Variants in NR4A3 observed in about 807,000 individuals in gnomAD.
The protein encoded by NR4A3 is nuclear receptor subfamily 4 group A member 3, also known as chondrosarcoma, extraskeletal myxoid, fused to EWS.
In NR4A3, 13 loss-of-function variants were observed where a neutral mutation model predicts 55.6. The ratio of observed to expected loss-of-function variants is 0.23; its 90% CI spans 0.15 to 0.37. The LOEUF is 0.37. Among genes scored for constraint, NR4A3 ranks in the 10% least tolerant of loss-of-function variants. The probability of loss-of-function intolerance (pLI) is 1.00; values close to 1 mark genes in which losing one functional copy is unlikely to be tolerated. For missense variants in NR4A3, 646 were observed against 822.8 expected (o/e 0.79, Z 2.63); for synonymous variants, 342 against 357.9 (o/e 0.96, Z 0.50).
intron 1 of NR4A3, among the ~76,000 whole-genome samples, chr9:99,824,683 G>A (rs1004609982): frequency 6.6e-6 from 1 of 152,214 alleles, no homozygotes; most frequent in African/African-American, 2.4e-5. Context: ...TTGATTTGGG[G>A]TTTTTCGGTC....
intron 7 of NR4A3, among the ~76,000 whole-genome samples, chr9:99,848,480 G>T (rs1827794376): frequency 6.6e-6 from 1 of 152,116 alleles, no homozygotes. Flanking sequence ...GAGTAGCTGG[G>T]ATTACAGGTA....
intron 7 of NR4A3, among the ~76,000 whole-genome samples, chr9:99,860,179 A>G (rs995386491): frequency 6.6e-6 from 1 of 151,420 alleles, no homozygotes; most frequent in African/African-American, 2.4e-5. Flanking sequence ...CAGCTTTAGT[A>G]TTTAATATTC....
At position 99,828,935 on chromosome 9, in the gene NR4A3, A is replaced by G; in HGVS notation, c.893A>G (p.Asn298Ser). The change falls in exon 3 of 8, where the codon AAC (asparagine) becomes AGC (serine). Residue 298 changes from asparagine to serine, a missense_variant. Transcript: ENST00000395097. The surrounding 1 kb of genome is among the most constrained non-coding windows in gnomAD (Gnocchi z 7.7). ...GGCACGTGTGCCGTGTGCGGGGACAACGCCGCCTGCCAGCACTACGGCGTG... is the reference window on the plus strand; with the variant it reads ...GGCACGTGTGCCGTGTGCGGGGACAGCGCCGCCTGCCAGCACTACGGCGTG... ...GEGTCAVCGD[N>S]AACQHYGVRT... 1 of 1,441,740 alleles carries G rather than the reference A, an allele frequency of 6.9e-7. No individual in the cohort carries two copies. The highest frequency in any genetic ancestry group is 1.4e-5 in the South Asian group (1 of 71,300). 89.3% of individuals were successfully genotyped at this position (1,441,740 alleles called of 1,614,324 possible). A position where few individuals can be genotyped will look rare whatever the true frequency, so the allele number is the denominator to read the frequency against.
chr9:99,841,355 T>C (rs1285014696), intron 5 of NR4A3, among the ~76,000 whole-genome samples: 1 of 152,104 alleles, frequency 6.6e-6, no homozygotes, highest in Non-Finnish European at 1.5e-5. Context: ...CAGGACTTCA[T>C]AGAATCCCAG....
intron 6 of NR4A3, among the ~76,000 whole-genome samples, chr9:99,845,379 A>G (rs1249461449): frequency 1.3e-5 from 2 of 152,176 alleles, no homozygotes; most frequent in African/African-American, 2.4e-5. Flanking sequence ...AGTCCATCCT[A>G]TCATACTCAG....
At chr9:99,846,827 T>A (rs529088002) in intron 6 of NR4A3, among the ~76,000 whole-genome samples, 1 of 152,320 alleles carries the variant, frequency 6.6e-6, no homozygotes, top group Admixed American at 6.5e-5. Flanking sequence ...TTTGTATTTT[T>A]AGTAGAGATT....
chr9:99,852,729 T>C (rs1161749651), intron 7 of NR4A3, among the ~76,000 whole-genome samples: 2 of 152,100 alleles, frequency 1.3e-5, no homozygotes, highest in Non-Finnish European at 2.9e-5. Context: ...CCTGGTCTTA[T>C]TGAAACACGA....
At chr9:99,853,151 T>C (rs932607300) in intron 7 of NR4A3, among the ~76,000 whole-genome samples, 3 of 152,062 alleles carry the variant, frequency 2.0e-5, no homozygotes, top group African/African-American at 7.2e-5. Flanking sequence ...TCAGGTTTCT[T>C]ATAAAAATTG....
chr9:99,828,767 C>G lies in NR4A3; in HGVS notation c.725C>G (p.Pro242Arg). ...CAGGCCGCCGCGCTTGAGAGCCACC[C>G]GTACGGGCTGCCGCTGGCCAAGAGG... The part of the protein sequence containing the change: ...GSQAAALESH[P>R]YGLPLAKRAA... The change falls in exon 3 of 8, where the codon CCG becomes CGG. Residue 242 changes from proline (P) to arginine (R), a missense_variant. Physicochemically the swap from Pro to Arg is moderately radical, Grantham distance 103. Transcript: ENST00000395097. The surrounding 1 kb of genome is among the most constrained non-coding windows in gnomAD (Gnocchi z 7.7). 9 of 1,428,404 alleles carry G rather than the reference C, an allele frequency of 6.3e-6. No homozygotes were observed. The highest frequency in any genetic ancestry group is 2.4e-4 in the Middle Eastern group (1 of 4,206). The allele number at this position is 1,428,404 out of a possible 1,614,324, so 88.5% of individuals were successfully genotyped here.
rs900080632 is a variant in NR4A3 at position 99,828,693 on chromosome 9, C to T, written c.651C>T (p.Ala217=). The change falls in exon 3 of 8, where the codon GCC becomes GCT. Residue 217 remains alanine, a synonymous_variant. Transcript: ENST00000395097. The surrounding 1 kb of genome is among the most constrained non-coding windows in gnomAD (Gnocchi z 7.7). The part of the protein sequence containing the change: ...GGHHLGYDPT[A]AAALSLPLGA... ...ACCACCTCGGCTACGACCCGACGGC[C>T]GCTGCCGCGCTCAGCCTGCCGCTGG... 5.3e-6 allele frequency: 7 copies of T among 1,331,144 alleles called. No individual in the cohort carries two copies. In the African/African-American group the frequency reaches 9.3e-5, roughly 18 times the overall value. 82.5% of individuals were successfully genotyped at this position (1,331,144 alleles called of 1,614,324 possible).
At position 99,864,867 on chromosome 9, in the gene NR4A3, C is replaced by G. The variant is rs1828067408; in HGVS notation, c.*1000C>G. On this transcript the variant is annotated 3_prime_UTR_variant, in exon 8 of 8. Transcript: ENST00000395097. ...GATCCCTAGATAAGAACATGCAAAT[C>G]AGCAGGAACTGGTCATACAGGGTAA... The G allele has an allele frequency of 4.6e-6, 1 of 217,798 alleles. No homozygotes were observed. The highest frequency in any genetic ancestry group is 9.2e-6 in the Non-Finnish European group (1 of 108,136). 13.5% of individuals were successfully genotyped at this position (217,798 alleles called of 1,614,324 possible).
At chr9:99,853,340 T>TA (rs1554692393) in intron 7 of NR4A3, among the ~76,000 whole-genome samples, 1 of 147,368 alleles carries the variant, frequency 6.8e-6, no homozygotes, top group Non-Finnish European at 1.5e-5. Context: ...TTTTTTTTTT[T>TA]ATTATACTCT....
intron 3 of NR4A3, among the ~76,000 whole-genome samples, chr9:99,829,470 CAG>C (rs1264983136): frequency 1.3e-5 from 2 of 152,146 alleles, no homozygotes; most frequent in African/African-American, 4.8e-5. Flanking sequence ...TTTTTAGTAA[CAG>C]TGTTTTAAAA....
At chr9:99,833,257 TTTTC>T (rs1477507473) in intron 4 of NR4A3, 21 bp from the exon 5 acceptor site, 5 of 1,559,206 alleles carry the variant, frequency 3.2e-6, no homozygotes, top group African/African-American at 2.8e-5. Flanking sequence ...TTGAAGATTG[TTTTC>T]TTTGTCTCTT....
rs1828088729 is a variant in NR4A3, at chr9:99,865,878, A to G, written c.*2011A>G. The G allele has an allele frequency of 4.6e-6, 1 of 215,846 alleles. No homozygotes were observed. Among genetic ancestry groups the G allele is most frequent in the African/African-American group, 2.3e-5 (1 of 44,354 alleles). 13.4% of individuals were successfully genotyped at this position (215,846 alleles called of 1,614,324 possible). A position where few individuals can be genotyped will look rare whatever the true frequency, so the allele number is the denominator to read the frequency against. The stretch of plus-strand genomic sequence containing the variant: ...GAATGTTAGGATTTTGAAATGTTAG[A>G]CTTGGAAGGGGCCTGGTCTGTCAAC... On this transcript the variant is annotated 3_prime_UTR_variant, in exon 8 of 8. Transcript: ENST00000395097. The surrounding 1 kb of genome is among the most constrained non-coding windows in gnomAD (Gnocchi z 4.3).
rs957064540 is a variant in NR4A3 at position 99,828,746 on chromosome 9, C to T, written c.704C>T (p.Ala235Val). ...LGAAAAAGSQ[A>V]AALESHPYGL... is the part of the protein sequence containing the mutation. Reference sequence around the variant, plus strand: ...GCCGCAGCCGCCGCGGGCAGCCAGGCCGCCGCGCTTGAGAGCCACCCGTAC... The same window carrying T: ...GCCGCAGCCGCCGCGGGCAGCCAGGTCGCCGCGCTTGAGAGCCACCCGTAC... Residue 235 changes from alanine to valine, a missense_variant, in exon 3 of 8, where the codon GCC (alanine) becomes GTC (valine). Physicochemically the swap from Ala to Val is moderately conservative, Grantham distance 64 (BLOSUM62 0). Coordinates refer to ENST00000395097, the MANE Select transcript of NR4A3 (RefSeq NM_006981.4). This position sits in a 1 kb window ranked among gnomAD's most constrained non-coding sequence, Gnocchi z 7.7. The T allele has an allele frequency of 7.5e-7, 1 of 1,331,686 alleles. No individual in the cohort carries two copies. The highest frequency in any genetic ancestry group is 9.6e-7 in the Non-Finnish European group (1 of 1,044,046). 82.5% of individuals were successfully genotyped at this position (1,331,686 alleles called of 1,614,324 possible).
chr9:99,828,836 C>A lies in NR4A3; in HGVS notation c.794C>A (p.Pro265His). Reference protein sequence around the residue: ...AFPPLGLTPSPTASSLLGESP... With the variant: ...AFPPLGLTPSHTASSLLGESP... ...CCGCCTCTCGGCCTCACGCCCTCCC[C>A]TACCGCGTCCAGCCTGCTGGGCGAG... Residue 265 changes from proline to histidine, a missense_variant, in exon 3 of 8, where the codon CCT (proline) becomes CAT (histidine). Coordinates refer to ENST00000395097, the MANE Select transcript of NR4A3 (RefSeq NM_006981.4). The surrounding 1 kb of genome is among the most constrained non-coding windows in gnomAD (Gnocchi z 7.7). 1 of 1,492,788 alleles carries A rather than the reference C, an allele frequency of 6.7e-7. No homozygotes were observed. Among genetic ancestry groups the A allele is most frequent in the Non-Finnish European group, 8.9e-7 (1 of 1,126,002 alleles). The allele number at this position is 1,492,788 out of a possible 1,614,324, so 92.5% of individuals were successfully genotyped here.
In NR4A3 at chr9:99,822,745, TCGGCGGCGGCGGCGG is replaced by T. The variant is rs538379255; in HGVS notation, c.-177+346_-177+360del. On this transcript the variant is annotated intron_variant, in intron 1 of 7. Coordinates refer to ENST00000395097, the MANE Select transcript of NR4A3 (RefSeq NM_006981.4). This position sits in a 1 kb window ranked among gnomAD's most constrained non-coding sequence, Gnocchi z 4.9. ...TCTAGTTGTCATGGTAATGATGCTC[TCGGCGGCGGCGGCGG>T]CGGCGGCAGCGGCAGCGGCAGGGAG... Among the ~76,000 whole-genome samples the T allele has an allele frequency of 6.6e-6, 1 of 151,966 alleles. No homozygotes were observed. Among genetic ancestry groups the T allele is most frequent in the Non-Finnish European group, 1.5e-5 (1 of 67,974 alleles).
At chr9:99,855,989 A>G (rs1161807135) in intron 7 of NR4A3, among the ~76,000 whole-genome samples, 2 of 152,088 alleles carry the variant, frequency 1.3e-5, no homozygotes, top group African/African-American at 4.8e-5. Flanking sequence ...TTCTCATATA[A>G]GCCCAAGAGG....
Sources: allele counts gnomAD v4.1 joint callset (sites outside exome capture counted in the v4.1 genomes callset), GRCh38; gene constraint gnomAD v4.1.1; non-coding constraint Gnocchi (gnomAD v3.1); transcripts MANE v1.5; gene names NCBI Gene and HGNC (gene_info 2026-07-23, HGNC 2026-07-21).